Variants in COL6A3 observed in about 807,000 individuals in gnomAD.
The protein encoded by COL6A3 is collagen alpha-3(VI) chain.
In COL6A3, 137 loss-of-function variants were observed where a neutral mutation model predicts 274.1. The observed-to-expected ratio is 0.50, with a 90% CI of 0.44 to 0.58. COL6A3 has a LOEUF of 0.58. Ranked by LOEUF, COL6A3 falls within the 20% of genes least tolerant of loss-of-function variation. COL6A3 has a pLI of 0.00. For synonymous variants in COL6A3, 1,650 were observed against 1,650.6 expected (o/e 1.00, Z 0.01); for missense variants, 3,950 against 4,124.9 (o/e 0.96, Z 1.16).
In COL6A3 at chr2:237,344,561, C is replaced by G; in HGVS notation, c.7457G>C (p.Ser2486Thr). 1 of 1,614,214 alleles carries G rather than the reference C, an allele frequency of 6.2e-7. No homozygotes were observed. The highest frequency in any genetic ancestry group is 8.5e-7 in the Non-Finnish European group (1 of 1,180,040). ...LQVALTSKQQ[S>T]LETAMSFVAR... Reference sequence around the variant, plus strand: ...CACAAACGACATGGCAGTCTCCAGACTCTGCTGTTTGGATGTCAGAGCCAC... The same window carrying G: ...CACAAACGACATGGCAGTCTCCAGAGTCTGCTGTTTGGATGTCAGAGCCAC... The change falls in exon 36 of 44, where the codon AGT (serine) becomes ACT (threonine). Residue 2486 changes from serine (S) to threonine (T), a missense_variant. By Grantham distance (58) the Ser-to-Thr change is moderately conservative. Coordinates refer to ENST00000295550, the MANE Select transcript of COL6A3 (RefSeq NM_004369.4). The surrounding 1 kb of genome is among the most constrained non-coding windows in gnomAD (Gnocchi z 4.8).
rs111498339 is a variant in COL6A3 at position 237,348,435 on chromosome 2, C to G, written c.6931-51G>C. 11,492 of 1,500,596 alleles carry G rather than the reference C, an allele frequency of 7.7e-3. 63 individuals are homozygous for G. The highest frequency in any genetic ancestry group is 9.7e-3 in the Non-Finnish European group (10,459 of 1,078,928). 93.0% of individuals were successfully genotyped at this position (1,500,596 alleles called of 1,614,324 possible). ...ATACTTGGTTCTAATTTAAATTCAT[C>G]TAAAATAAATTGACCTTGAAAGAAA... On this transcript the variant is annotated intron_variant, in intron 29 of 43. Transcript: ENST00000295550.
At chr2:237,335,232 A>G (rs1158630964) in intron 40 of COL6A3, among the ~76,000 whole-genome samples, 1 of 152,210 alleles carries the variant, frequency 6.6e-6, no homozygotes, top group East Asian at 1.9e-4. Flanking sequence ...AAATATATTA[A>G]GTCATAAAAT....
At chr2:237,388,304 A>C in intron 3 of COL6A3, 120 bp from the exon 4 acceptor site, 1 of 1,246,352 alleles carries the variant, frequency 8.0e-7, no homozygotes, top group Non-Finnish European at 1.1e-6. Flanking sequence ...TGGGCAAACA[A>C]AACACATGTT....
At chr2:237,406,697 A>T (rs547012642) in intron 1 of COL6A3, among the ~76,000 whole-genome samples, 1 of 152,184 alleles carries the variant, frequency 6.6e-6, no homozygotes, top group African/African-American at 2.4e-5. Flanking sequence ...TTCCTCAGGG[A>T]GGAAGCTAAG....
chr2:237,347,391 G>A (rs1377513739), intron 31 of COL6A3, among the ~76,000 whole-genome samples: 1 of 152,336 alleles, frequency 6.6e-6, no homozygotes, highest in East Asian at 1.9e-4. Context: ...GGAGCCCATG[G>A]CCTTGGCCTG....
chr2:237,334,305 G>A (rs1405843978), intron 41 of COL6A3, among the ~76,000 whole-genome samples: 2 of 152,186 alleles, frequency 1.3e-5, no homozygotes, highest in Non-Finnish European at 2.9e-5. Context: ...AGCCCTCACC[G>A]GGAGACGTGG....
At chr2:237,341,743 T>C (rs2076993975) in intron 37 of COL6A3, among the ~76,000 whole-genome samples, 1 of 152,202 alleles carries the variant, frequency 6.6e-6, no homozygotes, top group South Asian at 2.1e-4. Context: ...TCTCTGCCAC[T>C]CTTTGAAGAA....
intron 4 of COL6A3, among the ~76,000 whole-genome samples, chr2:237,386,827 G>A (rs1334643142): frequency 6.6e-6 from 1 of 152,134 alleles, no homozygotes; most frequent in African/African-American, 2.4e-5. Context: ...AGTTCAAAAG[G>A]TAGAGGAGGC....
At position 237,371,083 on chromosome 2, in the gene COL6A3, C is replaced by T. The variant is rs141809537; in HGVS notation, c.4285+649G>A. 1.1e-4 allele frequency among the ~76,000 whole-genome samples: 16 copies of T among 152,338 alleles called. No individual in the cohort carries two copies. The highest frequency in any genetic ancestry group is 6.2e-4 in the South Asian group (3 of 4,820). On this transcript the variant is annotated intron_variant, in intron 9 of 43. Transcript: ENST00000295550. The surrounding 1 kb of genome is among the most constrained non-coding windows in gnomAD (Gnocchi z 4.3). ...AGATACAGCTACAGAATCACCTCCA[C>T]GTCTTGACAACATCCAATCCAGGCC...
At position 237,336,293 on chromosome 2, in the gene COL6A3, A is replaced by G. The variant is rs1218467207; in HGVS notation, c.8807T>C (p.Val2936Ala). The G allele has an allele frequency of 2.5e-6, 4 of 1,612,928 alleles. No homozygotes were observed. In the African/African-American group the frequency reaches 4.0e-5, roughly 16 times the overall value. The change falls in exon 40 of 44, where the codon GTG (valine) becomes GCG (alanine). Residue 2936 changes from valine (V) to alanine (A), a missense_variant. By Grantham distance (64) the Val-to-Ala change is moderately conservative. Transcript: ENST00000295550. ...KMATVRPPVA[V>A]KPATAAKPVA... is the part of the protein sequence containing the mutation. ...AGGCTTCGCTGCCGTTGCTGGCTTC[A>G]CCGCCACTGGGGGTCTAACAGTGGC...
chr2:237,413,695 T>C lies in COL6A3; in HGVS notation c.-31+258A>G, dbSNP rs1161968471. ...CCGCCCGGAATGCACAGGGCGCGTG[T>C]AGCAGCCACAGACACGCGGTGGAAA... is the stretch of plus-strand genomic sequence containing the variant. On this transcript the variant is annotated intron_variant, in intron 1 of 43. Coordinates refer to ENST00000295550, the MANE Select transcript of COL6A3 (RefSeq NM_004369.4). This position sits in a 1 kb window ranked among gnomAD's most constrained non-coding sequence, Gnocchi z 4.0. 3.3e-5 allele frequency among the ~76,000 whole-genome samples: 5 copies of C among 152,190 alleles called. No individual in the cohort carries two copies. The highest frequency in any genetic ancestry group is 1.2e-4 in the African/African-American group (5 of 41,452).
In COL6A3 at chr2:237,374,436, C is replaced by G; in HGVS notation, c.3655G>C (p.Val1219Leu). ...CCTGGGCTCGGTAGAGGCTGCAACACCGGCTGCAGCCTGCTCAGCTCCTCG... is the reference window on the plus strand; with the variant it reads ...CCTGGGCTCGGTAGAGGCTGCAACAGCGGCTGCAGCCTGCTCAGCTCCTCG... ...TREELSRLQP[V>L]LQPLPSPGVG... is the part of the protein sequence containing the mutation. The change falls in exon 8 of 44, where the codon GTG becomes CTG. Residue 1219 changes from valine (V) to leucine (L), a missense_variant. This residue lies in a region of COL6A3 where 1,934 missense variants were observed against 1,984.3 expected (regional missense o/e 0.97). Coordinates refer to ENST00000295550, the MANE Select transcript of COL6A3 (RefSeq NM_004369.4). The surrounding 1 kb of genome is among the most constrained non-coding windows in gnomAD (Gnocchi z 4.8). 6.2e-7 allele frequency: 1 copy of G among 1,613,306 alleles called. No homozygotes were observed. Among genetic ancestry groups the G allele is most frequent in the Non-Finnish European group, 8.5e-7 (1 of 1,179,990 alleles).
Position 237,388,051 on chromosome 2 carries a change from C to A in COL6A3, c.843G>T (p.Val281=), listed in dbSNP as rs376201065. 23 of 1,614,120 alleles carry A rather than the reference C, an allele frequency of 1.4e-5. No individual in the cohort carries two copies. The African/African-American group carries it at 2.3e-4, about 16-fold the overall frequency. The change falls in exon 4 of 44, where the codon GTG becomes GTT. Residue 281 remains valine (V), a synonymous_variant. Transcript: ENST00000295550. ...KLPIGTQQIR[V]GVVQFSDEPR... is the part of the protein sequence containing the mutation. ...GCTCATCGCTAAACTGGACCACCCC[C>A]ACTCGGATCTGCTGAGTTCCAATTG...
chr2:237,325,954 G>GCTT (rs1312584216), intron 42 of COL6A3: 3 of 448,562 alleles, frequency 6.7e-6, no homozygotes, highest in Non-Finnish European at 1.2e-5. Flanking sequence ...CAATGAAAGG[G>GCTT]CTTCATAAAC....
intron 24 of COL6A3, among the ~76,000 whole-genome samples, chr2:237,353,644 T>G (rs1381583443): frequency 1.3e-5 from 2 of 152,154 alleles, no homozygotes; most frequent in East Asian, 3.9e-4. Context: ...TCGGACAGCT[T>G]TGTGAAACAG....
rs772424314 is a variant in COL6A3, at chr2:237,336,232, A to G, written c.8868T>C (p.Ala2956=). ...TCGCCACTGGTTTTGCAGCAGCAGC[A>G]GCGGGGGGTCTTACAGCTGCTGGCT... The part of the protein sequence containing the change: ...AAKPAAVRPP[A]AAAAKPVATK... Residue 2956 remains alanine, a synonymous_variant, in exon 40 of 44, where the codon GCT becomes GCC. Transcript: ENST00000295550. 10 of 1,611,944 alleles carry G rather than the reference A, an allele frequency of 6.2e-6. No individual in the cohort carries two copies. The highest frequency in any genetic ancestry group is 1.7e-5 in the Admixed American group (1 of 59,948).
intron 39 of COL6A3, among the ~76,000 whole-genome samples, chr2:237,338,030 G>A (rs1700639827): frequency 6.6e-6 from 1 of 152,188 alleles, no homozygotes; most frequent in African/African-American, 2.4e-5. Context: ...CACCAGATAC[G>A]GTAAATTGTT....
intron 1 of COL6A3, among the ~76,000 whole-genome samples, chr2:237,399,027 G>A (rs2078522770): frequency 6.6e-6 from 1 of 152,100 alleles, no homozygotes; most frequent in African/African-American, 2.4e-5. Context: ...AAAAAATGGG[G>A]GTGCAGAGAA....
At chr2:237,363,163 C>T in intron 14 of COL6A3, 90 bp downstream of exon 14, 8 of 1,269,232 alleles carry the variant, frequency 6.3e-6, no homozygotes, top group Non-Finnish European at 6.8e-6. Context: ...CACCTCCATT[C>T]ACCTGCTGAT....
Sources: allele counts gnomAD v4.1 joint callset (sites outside exome capture counted in the v4.1 genomes callset), GRCh38; gene constraint gnomAD v4.1.1; regional missense constraint gnomAD v4.1.1; non-coding constraint Gnocchi (gnomAD v3.1); transcripts MANE v1.5; gene names NCBI Gene and HGNC (gene_info 2026-07-23, HGNC 2026-07-21).